CADPS2: variants seen among roughly 807,000 people sequenced by gnomAD.
CADPS2 encodes calcium dependent secretion activator 2.
Under a neutral mutation model 172.5 loss-of-function variants are expected in CADPS2, and 93 were observed. That is an observed-to-expected ratio of 0.54 (90% CI 0.46 to 0.64). The LOEUF (loss-of-function observed/expected upper bound fraction) is 0.64, where lower values mean the gene tolerates loss of function less well. Ranked by LOEUF, CADPS2 falls within the 30% of genes least tolerant of loss-of-function variation. The pLI, the probability that CADPS2 is intolerant of heterozygous loss-of-function variation, is 0.00. For synonymous variants in CADPS2, 546 were observed against 555.2 expected (o/e 0.98, Z 0.23); for missense variants, 1,420 against 1,565.9 (o/e 0.91, Z 1.57).
chr7:122,650,202 G>T (rs865927233), intron 3 of CADPS2, among the ~76,000 whole-genome samples: 15 of 151,326 alleles, frequency 9.9e-5, no homozygotes, highest in African/African-American at 3.6e-4. Context: ...GAGCTACTAC[G>T]CCCGGCCAAT....
intron 17 of CADPS2, chr7:122,421,263 G>A (rs1293331812): frequency 2.0e-5 from 3 of 152,212 alleles, no homozygotes; most frequent in East Asian, 3.9e-4. Context: ...TGTAACAATT[G>A]TCACAAATTA....
At chr7:122,474,630 A>ATATTT in intron 12 of CADPS2, 113 bp from the exon 13 acceptor site, 1 of 969,606 alleles carries the variant, frequency 1.0e-6, no homozygotes, top group Non-Finnish European at 1.5e-6. Flanking sequence ...ACCTTTTATC[A>ATATTT]CATGAAATAT....
chr7:122,382,960 A>C (rs2043194070), intron 24 of CADPS2, among the ~76,000 whole-genome samples: 1 of 152,164 alleles, frequency 6.6e-6, no homozygotes, highest in Admixed American at 6.5e-5. Flanking sequence ...TACTGGGTAC[A>C]TATCCAAAGG....
chr7:122,495,115 G>T (rs941012973), intron 9 of CADPS2, among the ~76,000 whole-genome samples: 2 of 151,954 alleles, frequency 1.3e-5, no homozygotes, highest in African/African-American at 4.8e-5. Context: ...ATTTTACACA[G>T]CATTATCTTA....
intron 8 of CADPS2, among the ~76,000 whole-genome samples, chr7:122,531,632 G>A (rs973943282): frequency 6.6e-6 from 1 of 152,098 alleles, no homozygotes; most frequent in African/African-American, 2.4e-5. Context: ...TGGAGATAAC[G>A]ATTGGTTTCC....
intron 2 of CADPS2, among the ~76,000 whole-genome samples, chr7:122,685,024 A>G (rs970869417): frequency 6.6e-6 from 1 of 152,166 alleles, no homozygotes; most frequent in Non-Finnish European, 1.5e-5. Context: ...TGTTGAATAG[A>G]TTTTATAGTT....
intron 6 of CADPS2, chr7:122,585,657 A>G (rs1051782596): frequency 2.6e-5 from 4 of 151,818 alleles, no homozygotes; most frequent in African/African-American, 9.7e-5. Context: ...TTTTGTGTTG[A>G]CTCAAAACGT....
chr7:122,481,895 C>T (rs531623060), intron 11 of CADPS2, among the ~76,000 whole-genome samples: 21 of 151,932 alleles, frequency 1.4e-4, no homozygotes, highest in East Asian at 3.9e-4. Flanking sequence ...CCTGTAATCC[C>T]GGCTGCTGAG....
chr7:122,393,423 A>T lies in CADPS2; in HGVS notation c.2888+18T>A, dbSNP rs1261887343. On this transcript the variant is annotated intron_variant, in intron 21 of 29. Coordinates refer to ENST00000449022, the MANE Select transcript of CADPS2 (RefSeq NM_017954.11). ...TTGAAGAGGCAGGTGCTCTACGGAC[A>T]CTAGGTAAGATACCTACTTGACAGG... 1 of 1,613,704 alleles carries T rather than the reference A, an allele frequency of 6.2e-7. No individual in the cohort carries two copies. Among genetic ancestry groups the T allele is most frequent in the Non-Finnish European group, 8.5e-7 (1 of 1,179,696 alleles).
At chr7:122,326,142 T>C (rs2033815484) in intron 28 of CADPS2, among the ~76,000 whole-genome samples, 1 of 152,054 alleles carries the variant, frequency 6.6e-6, no homozygotes, top group Non-Finnish European at 1.5e-5. Context: ...ATTAAATATT[T>C]ACCAAGCTCT....
chr7:122,430,491 A>G (rs1034139240), intron 17 of CADPS2, among the ~76,000 whole-genome samples: 2 of 152,228 alleles, frequency 1.3e-5, no homozygotes, highest in Non-Finnish European at 2.9e-5. Flanking sequence ...TTAAAAAACA[A>G]TTAGGAAACA....
chr7:122,574,460 A>AAAAAAAAAAAAAAAAAAT (rs1358064847), intron 7 of CADPS2, among the ~76,000 whole-genome samples: 1 of 149,142 alleles, frequency 6.7e-6, no homozygotes, highest in Non-Finnish European at 1.5e-5. Context: ...AAAAAAAAAA[A>AAAAAAAAAAAAAAAAAAT]AAAAAAAAGT....
At chr7:122,540,680 T>G (rs2062819233) in intron 8 of CADPS2, among the ~76,000 whole-genome samples, 1 of 152,122 alleles carries the variant, frequency 6.6e-6, no homozygotes, top group Non-Finnish European at 1.5e-5. Context: ...ACAATTACCA[T>G]GGGAAACATT....
intron 2 of CADPS2, among the ~76,000 whole-genome samples, chr7:122,722,922 A>G (rs1470213213): frequency 6.6e-6 from 1 of 152,088 alleles, no homozygotes. Context: ...AAAAACAAGC[A>G]ATGGGTAAAC....
chr7:122,635,178 T>C lies in CADPS2; in HGVS notation c.787-5850A>G, dbSNP rs569856642. 1.6e-4 allele frequency among the ~76,000 whole-genome samples: 24 copies of C among 152,278 alleles called. No homozygotes were observed. In the South Asian group the frequency reaches 4.8e-3, roughly 30 times the overall value. On this transcript the variant is annotated intron_variant, in intron 3 of 29. Coordinates refer to ENST00000449022, the MANE Select transcript of CADPS2 (RefSeq NM_017954.11). ...TCTATTAGGTCCAATTGGTTAAGTG[T>C]TGAGTTTAATTCTGGAATTTGATAG...
intron 2 of CADPS2, among the ~76,000 whole-genome samples, chr7:122,715,249 C>T (rs2089423382): frequency 6.6e-6 from 1 of 152,094 alleles, no homozygotes; most frequent in Admixed American, 6.6e-5. Flanking sequence ...TATGGACACA[C>T]CTTAGATTTT....
At chr7:122,752,816 C>T (rs2093004019) in intron 1 of CADPS2, among the ~76,000 whole-genome samples, 1 of 152,110 alleles carries the variant, frequency 6.6e-6, no homozygotes, top group Non-Finnish European at 1.5e-5. Context: ...TGATAACCTG[C>T]TCCCAAAAAA....
chr7:122,652,514 C>T (rs1271531502), intron 3 of CADPS2, among the ~76,000 whole-genome samples: 1 of 152,052 alleles, frequency 6.6e-6, no homozygotes, highest in African/African-American at 2.4e-5. Flanking sequence ...TTGAAATTAA[C>T]TGCATTTCCT....
At chr7:122,493,843 T>C (rs2058517498) in intron 9 of CADPS2, among the ~76,000 whole-genome samples, 1 of 148,636 alleles carries the variant, frequency 6.7e-6, no homozygotes, top group South Asian at 2.1e-4. Context: ...CATTTGAAGT[T>C]TTCTTTTCTG....
Sources: allele counts gnomAD v4.1 joint callset (sites outside exome capture counted in the v4.1 genomes callset), GRCh38; gene constraint gnomAD v4.1.1; transcripts MANE v1.5; gene names NCBI Gene and HGNC (gene_info 2026-07-23, HGNC 2026-07-21).